PLCG2: variants seen among roughly 807,000 people sequenced by gnomAD.
The protein encoded by PLCG2 is 1-phosphatidylinositol 4,5-bisphosphate phosphodiesterase gamma-2.
Under a neutral mutation model 175.6 loss-of-function variants are expected in PLCG2, and 69 were observed. The observed-to-expected ratio is 0.39, with a 90% CI of 0.32 to 0.48. The LOEUF (loss-of-function observed/expected upper bound fraction) is 0.48, where lower values mean the gene tolerates loss of function less well. Among genes scored for constraint, PLCG2 ranks in the 20% least tolerant of loss-of-function variants. PLCG2 has a pLI of 0.91. For missense variants in PLCG2, 1,798 were observed against 1,650.9 expected, an observed-to-expected ratio of 1.09 and a Z score of -1.54; for synonymous variants, 827 against 624.0, an observed-to-expected ratio of 1.33 and a Z score of -4.85.
intron 2 of PLCG2, among the ~76,000 whole-genome samples, chr16:81,787,117 A>G (rs4488437): frequency 1 from 151,982 of 152,382 alleles, 75,791 homozygotes; most frequent in East Asian, 1. Flanking sequence ...ATGTAATGGC[A>G]CAGGCCTCAA....
chr16:81,741,010 T>G (rs1909581960), intron 1 of PLCG2, among the ~76,000 whole-genome samples: 1 of 152,194 alleles, frequency 6.6e-6, no homozygotes, highest in Non-Finnish European at 1.5e-5. Context: ...CCATGCACCC[T>G]CTGTGCCCCA....
At chr16:81,792,696 C>A (rs2143206376) in intron 2 of PLCG2, among the ~76,000 whole-genome samples, 1 of 152,040 alleles carries the variant, frequency 6.6e-6, no homozygotes, top group Admixed American at 6.6e-5. Flanking sequence ...AAGGGGGAAG[C>A]CTCTTGTAAA....
Position 81,854,571 on chromosome 16 carries a change from C to A in PLCG2, c.321C>A (p.Ser107Arg). 1 of 1,613,968 alleles carries A rather than the reference C, an allele frequency of 6.2e-7. No individual in the cohort carries two copies. The highest frequency in any genetic ancestry group is 8.5e-7 in the Non-Finnish European group (1 of 1,179,830). Residue 107 changes from serine to arginine, a missense_variant, in exon 3 of 33, where the codon AGC becomes AGA. Ser to Arg is a moderately radical substitution (Grantham distance 110). Transcript: ENST00000564138. Reference sequence around the variant, plus strand: ...TATATGGCACTCAGTTCGTCCTCAGCACGCTCAGCTTGGCAGGTAGGTGCA... The same window carrying A: ...TATATGGCACTCAGTTCGTCCTCAGAACGCTCAGCTTGGCAGGTAGGTGCA... ...TILYGTQFVL[S>R]TLSLAADSKE...
chr16:81,876,196 T>G (rs757648940), intron 7 of PLCG2, among the ~76,000 whole-genome samples: 3 of 151,916 alleles, frequency 2.0e-5, no homozygotes, highest in Admixed American at 6.6e-5. Context: ...GGCTAATTTT[T>G]GTATTTTTTG....
chr16:81,932,952 CA>C (rs375396335), intron 25 of PLCG2, among the ~76,000 whole-genome samples: 47 of 152,360 alleles, frequency 3.1e-4, no homozygotes, highest in African/African-American at 1.1e-3. Context: ...CTCTGAGGCA[CA>C]GGGAGGTGCC....
intron 2 of PLCG2, among the ~76,000 whole-genome samples, chr16:81,797,338 G>T (rs904843500): frequency 6.6e-6 from 1 of 152,142 alleles, no homozygotes. Flanking sequence ...ATATAAATGC[G>T]GGTTTTTGTA....
intron 7 of PLCG2, among the ~76,000 whole-genome samples, chr16:81,871,580 G>T (rs4997774): frequency 1.3e-5 from 2 of 152,018 alleles, no homozygotes. Flanking sequence ...TCAACTGATC[G>T]GCCCGCCTCC....
intron 2 of PLCG2, chr16:81,798,639 G>C (rs537781168): frequency 2.0e-5 from 3 of 152,542 alleles, no homozygotes; most frequent in Admixed American, 6.5e-5. Context: ...GCCAGGGGTA[G>C]GCGTGAGTTT....
chr16:81,952,150 C>T (rs571302251), intron 31 of PLCG2, among the ~76,000 whole-genome samples: 182 of 152,022 alleles, frequency 1.2e-3, no homozygotes, highest in Non-Finnish European at 2.0e-3. Context: ...AACATAAAAT[C>T]TTATTAAAAA....
chr16:81,796,412 A>G (rs534072519), intron 2 of PLCG2, among the ~76,000 whole-genome samples: 10 of 152,374 alleles, frequency 6.6e-5, no homozygotes, highest in Admixed American at 6.5e-4. Context: ...TTTGGAGATC[A>G]GTATCCTTTG....
intron 2 of PLCG2, among the ~76,000 whole-genome samples, chr16:81,787,612 C>T (rs1215278567): frequency 6.6e-6 from 1 of 151,000 alleles, no homozygotes; most frequent in Non-Finnish European, 1.5e-5. Flanking sequence ...TTGTATGCAG[C>T]ATGTATAGTG....
chr16:81,902,783 G>C (rs1909207752), intron 14 of PLCG2, among the ~76,000 whole-genome samples: 1 of 152,116 alleles, frequency 6.6e-6, no homozygotes, highest in Admixed American at 6.5e-5. Context: ...AGGTTTAATG[G>C]ACTCACAGTT....
At chr16:81,867,914 T>A (rs1345780456) in intron 5 of PLCG2, among the ~76,000 whole-genome samples, 5 of 152,186 alleles carry the variant, frequency 3.3e-5, no homozygotes, top group Non-Finnish European at 7.3e-5. Context: ...TTAGCCAGGA[T>A]GGTCTCGATC....
intron 2 of PLCG2, among the ~76,000 whole-genome samples, chr16:81,768,757 G>C (rs1346480843): frequency 6.6e-6 from 1 of 151,870 alleles, no homozygotes; most frequent in Admixed American, 6.6e-5. Flanking sequence ...AGTAGAGATG[G>C]GGTTTCACCA....
At chr16:81,910,020 T>C (rs12927160) in intron 17 of PLCG2, among the ~76,000 whole-genome samples, 2 of 111,928 alleles carry the variant, frequency 1.8e-5, no homozygotes, top group Admixed American at 9.0e-5. Flanking sequence ...TGGGGTGGGG[T>C]GGGGGAAGTA....
At chr16:81,779,677 G>A (rs952639600) in intron 1 of PLCG2, among the ~76,000 whole-genome samples, 1 of 152,172 alleles carries the variant, frequency 6.6e-6, no homozygotes, top group Non-Finnish European at 1.5e-5. Context: ...CGTGCGGTGG[G>A]GCGGCCCCAG....
At chr16:81,875,946 G>C (rs1907760627) in intron 7 of PLCG2, among the ~76,000 whole-genome samples, 1 of 151,808 alleles carries the variant, frequency 6.6e-6, no homozygotes, top group African/African-American at 2.4e-5. Context: ...CTTATTGTCA[G>C]TGGCTGGCAA....
chr16:81,913,379 C>G lies in PLCG2; in HGVS notation c.2054+663C>G, dbSNP rs370869561. Among the ~76,000 whole-genome samples, 4 of 152,330 alleles carry G rather than the reference C, an allele frequency of 2.6e-5. No homozygotes were observed. In the East Asian group the frequency reaches 7.7e-4, roughly 29 times the overall value. ...CCTTCAAGGCCTCATCTGATTGAAT[C>G]CTTTGCTACAGCCTGTGAGAGGTAG... On this transcript the variant is annotated intron_variant, in intron 19 of 32. Coordinates refer to ENST00000564138, the MANE Select transcript of PLCG2 (RefSeq NM_002661.5).
chr16:81,887,115 GT>G (rs1190488748), intron 9 of PLCG2, among the ~76,000 whole-genome samples: 92 of 151,018 alleles, frequency 6.1e-4, no homozygotes, highest in Non-Finnish European at 1.2e-3. Flanking sequence ...GCCAGGCAAA[GT>G]TGTTTTTTTT....
Sources: gnomAD v4.1 joint callset for allele counts (sites outside exome capture counted in the v4.1 genomes callset) on GRCh38, gnomAD v4.1.1 for gene constraint, MANE v1.5 for transcripts, NCBI Gene and HGNC (gene_info 2026-07-23, HGNC 2026-07-21) for gene names.